The following RIMS1 variants were observed in gnomAD, a reference collection of about 807,000 sequenced individuals.
The protein encoded by RIMS1 is regulating synaptic membrane exocytosis protein 1.
In RIMS1, 83 loss-of-function variants were observed where a neutral mutation model predicts 214.1. The ratio of observed to expected loss-of-function variants is 0.39; its 90% CI spans 0.32 to 0.47. The LOEUF (loss-of-function observed/expected upper bound fraction) is 0.47. RIMS1 is among the 20% of genes least tolerant of loss of function. RIMS1 has a pLI of 0.99. For synonymous variants in RIMS1, 793 were observed against 786.8 expected (o/e 1.01, Z -0.13); for missense variants, 2,050 against 2,161.8 (o/e 0.95, Z 1.03).
In RIMS1 at chr6:72,390,518, T is replaced by C. The variant is rs892575717; in HGVS notation, c.4367-80T>C. The C allele has an allele frequency of 1.9e-5, 26 of 1,365,174 alleles. No individual in the cohort carries two copies. The South Asian group carries it at 3.0e-4, about 16-fold the overall frequency. The allele number at this position is 1,365,174 out of a possible 1,614,324, so 84.6% of individuals were successfully genotyped here. A position where few individuals can be genotyped will look rare whatever the true frequency, so the allele number is the denominator to read the frequency against. On this transcript the variant is annotated intron_variant, in intron 29 of 33. Coordinates refer to ENST00000521978, the MANE Select transcript of RIMS1 (RefSeq NM_014989.7). ...TTGTAATTATGTGTAAAATTAACTA[T>C]TGTATTTGCAGGATCAATTGATATT...
At chr6:71,990,214 A>G (rs1801185016) in intron 2 of RIMS1, among the ~76,000 whole-genome samples, 1 of 152,158 alleles carries the variant, frequency 6.6e-6, no homozygotes, top group Admixed American at 6.5e-5. Context: ...AACTCCAGAG[A>G]TGTTCCATAA....
chr6:72,191,379 C>T (rs1340652347), intron 6 of RIMS1, among the ~76,000 whole-genome samples: 1 of 152,194 alleles, frequency 6.6e-6, no homozygotes, highest in African/African-American at 2.4e-5. Flanking sequence ...GTAGAAGGTC[C>T]CTGAATTTTA....
intron 2 of RIMS1, among the ~76,000 whole-genome samples, chr6:72,032,532 G>T (rs1187573043): frequency 1.3e-5 from 2 of 152,062 alleles, no homozygotes; most frequent in East Asian, 3.9e-4. Context: ...ATTCATGAGG[G>T]TTTGTTTAAG....
intron 2 of RIMS1, among the ~76,000 whole-genome samples, chr6:72,042,293 G>A (rs1472444379): frequency 1.3e-5 from 2 of 151,762 alleles, no homozygotes; most frequent in Non-Finnish European, 3.0e-5. Flanking sequence ...GCCCTCTTAT[G>A]GAGAAAGGCT....
At chr6:72,203,036 G>A (rs771266479) in intron 6 of RIMS1, among the ~76,000 whole-genome samples, 27 of 151,904 alleles carry the variant, frequency 1.8e-4, no homozygotes, top group Non-Finnish European at 3.5e-4. Context: ...TCGCCAGGCC[G>A]GAGTGTGGTG....
chr6:72,148,622 G>C (rs1164043795), intron 4 of RIMS1: 3 of 456,786 alleles, frequency 6.6e-6, no homozygotes, highest in African/African-American at 6.0e-5. Context: ...CCATGAAGTG[G>C]GGAGCCCAGT....
intron 29 of RIMS1, among the ~76,000 whole-genome samples, chr6:72,386,488 C>T (rs1242283183): frequency 6.6e-6 from 1 of 152,132 alleles, no homozygotes; most frequent in African/African-American, 2.4e-5. Context: ...CTGCAGCCCT[C>T]CCCTTCCCCT....
intron 21 of RIMS1, among the ~76,000 whole-genome samples, 172 bp downstream of exon 21, chr6:72,265,675 T>G (rs1288965943): frequency 1.3e-5 from 2 of 152,092 alleles, no homozygotes; most frequent in African/African-American, 2.4e-5. Flanking sequence ...CTGTATCCAG[T>G]TTTTTTCATA....
At chr6:72,258,336 G>A in intron 17 of RIMS1, 55 bp downstream of exon 17, 1 of 1,442,818 alleles carries the variant, frequency 6.9e-7, no homozygotes, top group Non-Finnish European at 9.4e-7. Flanking sequence ...TTATAATGCA[G>A]TGTAAATTGC....
Position 72,244,887 on chromosome 6 carries a change from T to C in RIMS1, c.2082-928T>C, listed in dbSNP as rs559660526. Among the ~76,000 whole-genome samples the C allele has an allele frequency of 2.1e-3, 315 of 152,068 alleles. 4 individuals are homozygous for C. Among genetic ancestry groups the C allele is most frequent in the African/African-American group, 6.9e-3 (288 of 41,564 alleles). ...GAAGTCAGCTCATAAGGTAGGTGGT[T>C]AGAAATTCTTAAAAAATATGCTTAT... On this transcript the variant is annotated intron_variant, in intron 10 of 33. Coordinates refer to ENST00000521978, the MANE Select transcript of RIMS1 (RefSeq NM_014989.7).
At position 71,888,804 on chromosome 6, in the gene RIMS1, T is replaced by A. The variant is rs546748124; in HGVS notation, c.164+1617T>A. On this transcript the variant is annotated intron_variant, in intron 1 of 33. Transcript: ENST00000521978. ...AAGAGCAGCAGGTTTCTGAATTCCCTGCTCCTTCTCATCCAAAAATCAAAT... is the reference window on the plus strand; with the variant it reads ...AAGAGCAGCAGGTTTCTGAATTCCCAGCTCCTTCTCATCCAAAAATCAAAT... Among the ~76,000 whole-genome samples, 9 of 152,376 alleles carry A rather than the reference T, an allele frequency of 5.9e-5. No individual in the cohort carries two copies. In the South Asian group the frequency reaches 1.9e-3, roughly 32 times the overall value.
rs76596755 is a variant in RIMS1 at position 72,076,412 on chromosome 6, G to A, written c.246-20537G>A. Among the ~76,000 whole-genome samples, 685 of 152,288 alleles carry A rather than the reference G, an allele frequency of 4.5e-3. 5 individuals carry two copies. The highest frequency in any genetic ancestry group is 0.016 in the African/African-American group (661 of 41,554). ...TGCTCTCACATGGTGGAGAGAGGGA[G>A]AGGGTTCTGGTTTCTCTTCCAAGTA... On this transcript the variant is annotated intron_variant, in intron 2 of 33. Coordinates refer to ENST00000521978, the MANE Select transcript of RIMS1 (RefSeq NM_014989.7).
chr6:72,096,674 A>T (rs1053167060), intron 2 of RIMS1, among the ~76,000 whole-genome samples: 7 of 152,222 alleles, frequency 4.6e-5, no homozygotes, highest in African/African-American at 1.4e-4. Flanking sequence ...GGCATGGAAT[A>T]GATACTCAAA....
At chr6:72,113,498 G>A (rs780709374) in intron 4 of RIMS1, among the ~76,000 whole-genome samples, 1 of 151,976 alleles carries the variant, frequency 6.6e-6, no homozygotes, top group African/African-American at 2.4e-5. Context: ...AATAATGAAA[G>A]GCCTTGAATA....
chr6:72,342,319 T>C (rs2097121147), intron 29 of RIMS1, among the ~76,000 whole-genome samples: 1 of 151,720 alleles, frequency 6.6e-6, no homozygotes, highest in Non-Finnish European at 1.5e-5. Flanking sequence ...GCAGTTCTTG[T>C]CATGGGTGGG....
intron 6 of RIMS1, among the ~76,000 whole-genome samples, chr6:72,208,667 A>C (rs2053322355): frequency 6.6e-6 from 1 of 152,230 alleles, no homozygotes; most frequent in Admixed American, 6.5e-5. Context: ...GTGTAAGATC[A>C]GTCAGAAGTT....
chr6:71,918,038 G>A (rs1194184400), intron 1 of RIMS1, among the ~76,000 whole-genome samples: 2 of 152,144 alleles, frequency 1.3e-5, no homozygotes, highest in East Asian at 1.9e-4. Context: ...TGCTAAGTAC[G>A]TAGTCGAATA....
At chr6:72,127,901 A>G (rs2039838976) in intron 4 of RIMS1, among the ~76,000 whole-genome samples, 1 of 152,222 alleles carries the variant, frequency 6.6e-6, no homozygotes, top group African/African-American at 2.4e-5. Flanking sequence ...CACTCCATAC[A>G]TGATCTCAAG....
At chr6:72,008,348 G>T (rs1428729150) in intron 2 of RIMS1, among the ~76,000 whole-genome samples, 1 of 152,118 alleles carries the variant, frequency 6.6e-6, no homozygotes, top group African/African-American at 2.4e-5. Context: ...AGAAACAACT[G>T]GTACCAGCCA....
Sources: gnomAD v4.1 joint callset for allele counts (sites outside exome capture counted in the v4.1 genomes callset) on GRCh38, gnomAD v4.1.1 for gene constraint, MANE v1.5 for transcripts, NCBI Gene and HGNC (gene_info 2026-07-23, HGNC 2026-07-21) for gene names.